The following PCDHGB4 variants were observed in gnomAD, a reference collection of about 807,000 sequenced individuals.
PCDHGB4 encodes the protein protocadherin gamma subfamily B, 4.
PCDHGB4 carries 38 observed loss-of-function variants against 60.5 expected under a neutral mutation model. The observed-to-expected ratio is 0.63, with a 90% CI of 0.48 to 0.82. PCDHGB4 has a LOEUF of 0.82. PCDHGB4 is among the 40% of genes least tolerant of loss of function. The probability of loss-of-function intolerance (pLI) is 0.00; values close to 1 mark genes in which losing one functional copy is unlikely to be tolerated. For missense variants in PCDHGB4, 1,109 were observed against 1,209.6 expected (o/e 0.92, Z 1.23); for synonymous variants, 456 against 509.7 (o/e 0.89, Z 1.42).
At position 141,485,398 on chromosome 5, in the gene PCDHGB4, C is replaced by T. The variant is rs906016330; in HGVS notation, c.2398-9409C>T. The T allele has an allele frequency of 1.3e-5, 21 of 1,614,044 alleles. No individual in the cohort carries two copies. The highest frequency in any genetic ancestry group is 1.8e-5 in the Non-Finnish European group (21 of 1,179,928). On this transcript the variant is annotated intron_variant, in intron 1 of 3. Coordinates refer to ENST00000519479, the MANE Select transcript of PCDHGB4 (RefSeq NM_003736.4). This position sits in a 1 kb window ranked among gnomAD's most constrained non-coding sequence, Gnocchi z 5.7. ...CTGGAGAGGTGAACCAAAGACACTT[C>T]CGTGTGGATTTGGACAGCGGAGCCC...
At chr5:141,392,010 A>T (rs949188518) in intron 1 of PCDHGB4, 1 of 152,234 alleles carries the variant, frequency 6.6e-6, no homozygotes, top group African/African-American at 2.4e-5. Context: ...TGCAATGGTA[A>T]AAGCATTTAT....
intron 1 of PCDHGB4, among the ~76,000 whole-genome samples, chr5:141,449,588 CAAAAAAAA>C (rs768743917): frequency 1.7e-5 from 1 of 57,492 alleles, no homozygotes; most frequent in South Asian, 6.3e-4. Context: ...GACTCTGTCT[CAAAAAAAA>C]AAAAAAAAAA....
chr5:141,444,410 A>G (rs2098435910), intron 1 of PCDHGB4, among the ~76,000 whole-genome samples: 1 of 151,922 alleles, frequency 6.6e-6, no homozygotes, highest in African/African-American at 2.4e-5. Flanking sequence ...ACCTCAGGTG[A>G]TCTTCCCTCC....
intron 1 of PCDHGB4, among the ~76,000 whole-genome samples, chr5:141,453,670 G>A (rs191035462): frequency 2.5e-4 from 38 of 152,224 alleles, no homozygotes; most frequent in Middle Eastern, 6.8e-3. Context: ...TACACAAAAG[G>A]TAACACACTA....
At position 141,477,910 on chromosome 5, in the gene PCDHGB4, G is replaced by C. The variant is rs766164142; in HGVS notation, c.2398-16897G>C. ...TGTCACGGGTGGTAGGCTGGGACGC[G>C]GATGCAGGGCACAATGCCTGGCTCT... On this transcript the variant is annotated intron_variant, in intron 1 of 3. Coordinates refer to ENST00000519479, the MANE Select transcript of PCDHGB4 (RefSeq NM_003736.4). This position sits in a 1 kb window ranked among gnomAD's most constrained non-coding sequence, Gnocchi z 4.9. 3 of 1,614,168 alleles carry C rather than the reference G, an allele frequency of 1.9e-6. No homozygotes were observed. Among genetic ancestry groups the C allele is most frequent in the Non-Finnish European group, 2.5e-6 (3 of 1,180,032 alleles).
chr5:141,420,911 T>C (rs948220220), intron 1 of PCDHGB4: 6 of 313,968 alleles, frequency 1.9e-5, no homozygotes, highest in Admixed American at 1.8e-4. Flanking sequence ...CAAATACGTG[T>C]GATTCACAAA....
At chr5:141,447,884 G>A (rs1324802340) in intron 1 of PCDHGB4, among the ~76,000 whole-genome samples, 1 of 152,024 alleles carries the variant, frequency 6.6e-6, no homozygotes, top group Non-Finnish European at 1.5e-5. Context: ...TCAGGAGTTC[G>A]AGACCAGCCT....
intron 1 of PCDHGB4, among the ~76,000 whole-genome samples, chr5:141,437,588 A>G (rs1399641711): frequency 6.6e-6 from 1 of 152,134 alleles, no homozygotes; most frequent in African/African-American, 2.4e-5. Context: ...CATGAATTGG[A>G]TAGTTCTGGT....
intron 1 of PCDHGB4, among the ~76,000 whole-genome samples, chr5:141,433,989 T>C (rs898601470): frequency 6.6e-6 from 1 of 152,248 alleles, no homozygotes; most frequent in Non-Finnish European, 1.5e-5. Context: ...AGAAGAGTTT[T>C]ATATTCTCTA....
intron 1 of PCDHGB4, chr5:141,421,168 A>G: frequency 1.5e-6 from 2 of 1,331,612 alleles, no homozygotes; most frequent in South Asian, 1.5e-5. Context: ...TCATAGATAC[A>G]TAAGCCGATT....
intron 1 of PCDHGB4, chr5:141,428,035 A>C (rs776717344): frequency 6.2e-7 from 1 of 1,607,926 alleles, no homozygotes; most frequent in Non-Finnish European, 8.5e-7. Context: ...GAGTCCGGCT[A>C]CCTGGTGACC....
chr5:141,505,298 T>C, intron 2 of PCDHGB4, 95 bp from the exon 3 acceptor site: 1 of 1,586,334 alleles, frequency 6.3e-7, no homozygotes, highest in Non-Finnish European at 8.6e-7. Flanking sequence ...GGGGTAGGGT[T>C]AGGGTACTAG....
chr5:141,430,970 A>G (rs1026736997), intron 1 of PCDHGB4: 3 of 1,613,068 alleles, frequency 1.9e-6, no homozygotes, highest in Non-Finnish European at 2.5e-6. Context: ...CCCCAGAGGT[A>G]GGACGCAGCT....
In PCDHGB4 at chr5:141,408,733, T is replaced by C. The variant is rs753545231; in HGVS notation, c.2397+18452T>C. The C allele has an allele frequency of 7.5e-6, 12 of 1,610,158 alleles. No individual in the cohort carries two copies. The South Asian group carries it at 1.3e-4, about 18-fold the overall frequency. Reference sequence around the variant, plus strand: ...ATTATAAGATAAACTCTAATCCTTATTTTTCATTAATGGTTAGAGTTAATT... The same window carrying C: ...ATTATAAGATAAACTCTAATCCTTACTTTTCATTAATGGTTAGAGTTAATT... On this transcript the variant is annotated intron_variant, in intron 1 of 3. Transcript: ENST00000519479.
At chr5:141,397,984 A>G in intron 1 of PCDHGB4, 18 of 1,310,016 alleles carry the variant, frequency 1.4e-5, no homozygotes, top group Non-Finnish European at 1.9e-5. Flanking sequence ...CGGCCTTTAC[A>G]CCGCTTCCTC....
At chr5:141,450,986 G>A (rs950903600) in intron 1 of PCDHGB4, among the ~76,000 whole-genome samples, 15 of 151,310 alleles carry the variant, frequency 9.9e-5, no homozygotes, top group Non-Finnish European at 1.3e-4. Context: ...CACCACACCC[G>A]GCTAATTTTT....
chr5:141,402,110 T>G (rs900421956), intron 1 of PCDHGB4, among the ~76,000 whole-genome samples: 1 of 152,150 alleles, frequency 6.6e-6, no homozygotes, highest in Admixed American at 6.5e-5. Context: ...ATTACAAAAA[T>G]GTGAAAATTT....
chr5:141,488,196 TA>T, intron 1 of PCDHGB4, among the ~76,000 whole-genome samples: 1 of 152,186 alleles, frequency 6.6e-6, no homozygotes, highest in Non-Finnish European at 1.5e-5. Context: ...GTCTGGGTCT[TA>T]GGACTCATAT....
Position 141,491,842 on chromosome 5 carries a change from T to C in PCDHGB4, c.2398-2965T>C, listed in dbSNP as rs551615550. The C allele has an allele frequency of 7.5e-6, 11 of 1,464,162 alleles. No homozygotes were observed. In the South Asian group the frequency reaches 1.3e-4, roughly 17 times the overall value. 90.7% of individuals were successfully genotyped at this position (1,464,162 alleles called of 1,614,324 possible). ...GCGCTCCACCCGATTCTCGGGATCA[T>C]TGGACCGTTTGCGCGAAACCAGAGT... On this transcript the variant is annotated intron_variant, in intron 1 of 3. Transcript: ENST00000519479. The surrounding 1 kb of genome is among the most constrained non-coding windows in gnomAD (Gnocchi z 6.9).
Sources: gnomAD v4.1 joint callset for allele counts (sites outside exome capture counted in the v4.1 genomes callset) on GRCh38, gnomAD v4.1.1 for gene constraint, Gnocchi (gnomAD v3.1) non-coding constraint, MANE v1.5 for transcripts, NCBI Gene and HGNC (gene_info 2026-07-23, HGNC 2026-07-21) for gene names.